FHIT: variants seen among roughly 807,000 people sequenced by gnomAD.
FHIT encodes bis(5'-adenosyl)-triphosphatase.
In FHIT, 19 loss-of-function variants were observed where a neutral mutation model predicts 17.9. That is an observed-to-expected ratio of 1.06 (90% CI 0.74 to 1.56). FHIT has a LOEUF of 1.56. FHIT is among the 40% of genes most tolerant of loss of function. FHIT has a pLI of 0.00. For missense variants in FHIT, 248 were observed against 189.2 expected (o/e 1.31, Z -1.82); for synonymous variants, 81 against 69.7 (o/e 1.16, Z -0.81).
intron 5 of FHIT, among the ~76,000 whole-genome samples, chr3:60,343,445 G>A (rs533714469): frequency 4.6e-5 from 7 of 152,234 alleles, no homozygotes; most frequent in South Asian, 2.1e-4. Flanking sequence ...TATTCACTCC[G>A]TTGTTTGATT....
At chr3:60,363,254 C>T (rs1349878367) in intron 5 of FHIT, among the ~76,000 whole-genome samples, 1 of 152,186 alleles carries the variant, frequency 6.6e-6, no homozygotes, top group Non-Finnish European at 1.5e-5. Flanking sequence ...CACTGAATCA[C>T]TCCCCAGCTC....
Position 60,615,925 on chromosome 3 carries a change from A to C in FHIT, c.-17-78946T>G, listed in dbSNP as rs897754039. Among the ~76,000 whole-genome samples, 6 of 152,332 alleles carry C rather than the reference A, an allele frequency of 3.9e-5. No individual in the cohort carries two copies. The East Asian group carries it at 7.7e-4, about 20-fold the overall frequency. On this transcript the variant is annotated intron_variant, in intron 4 of 9. Transcript: ENST00000492590. ...GTGAGATGTGGAAGAAAAAGAGATA[A>C]AGAAACTGTTCTTTGGAAGTCAGAC...
chr3:60,900,545 A>C (rs1553762939), intron 3 of FHIT, among the ~76,000 whole-genome samples: 2 of 152,170 alleles, frequency 1.3e-5, no homozygotes, highest in South Asian at 4.1e-4. Context: ...ACAATTTTAA[A>C]TAAATATTAA....
intron 5 of FHIT, among the ~76,000 whole-genome samples, chr3:60,361,816 G>C (rs145789690): frequency 4.3e-4 from 65 of 152,252 alleles, no homozygotes; most frequent in African/African-American, 1.4e-3. Context: ...CAATAGTAAA[G>C]GAGGATAAAT....
chr3:59,810,379 T>G (rs1454052443), intron 8 of FHIT, among the ~76,000 whole-genome samples: 1 of 152,178 alleles, frequency 6.6e-6, no homozygotes, highest in East Asian at 1.9e-4. Context: ...GAGCACCTCA[T>G]GAAATGTCTG....
intron 7 of FHIT, among the ~76,000 whole-genome samples, chr3:59,989,280 C>G (rs1313039349): frequency 6.6e-6 from 1 of 152,000 alleles, no homozygotes. Flanking sequence ...ATGGAGACAG[C>G]CTTTTCACTA....
intron 4 of FHIT, among the ~76,000 whole-genome samples, chr3:60,672,875 G>A (rs1627302): frequency 0.059 from 56 of 948 alleles, no homozygotes; most frequent in East Asian, 0.22. Flanking sequence ...TCTTTGTAGC[G>A]TGTGTGTGTG....
At chr3:60,314,259 A>G (rs1425715633) in intron 5 of FHIT, among the ~76,000 whole-genome samples, 2 of 152,208 alleles carry the variant, frequency 1.3e-5, no homozygotes. Flanking sequence ...TTTCTTTTAA[A>G]AAAAATCATG....
At chr3:60,215,788 C>T (rs1238573780) in intron 5 of FHIT, among the ~76,000 whole-genome samples, 1 of 152,106 alleles carries the variant, frequency 6.6e-6, no homozygotes, top group Non-Finnish European at 1.5e-5. Flanking sequence ...TCTTCCCTTC[C>T]GTACACAAAA....
chr3:59,747,581 A>C lies in FHIT; in HGVS notation c.*2004T>G, dbSNP rs901092341. On this transcript the variant is annotated 3_prime_UTR_variant, in exon 10 of 10. Transcript: ENST00000492590. ...TGTCCACCCCAAACATTAAGTCAAG[A>C]ACATCTTTTTGGTCTTATAGTCTTT... is the stretch of plus-strand genomic sequence containing the variant. 6.6e-6 allele frequency among the ~76,000 whole-genome samples: 1 copy of C among 152,084 alleles called. No individual in the cohort carries two copies. Among genetic ancestry groups the C allele is most frequent in the Non-Finnish European group, 1.5e-5 (1 of 68,016 alleles).
chr3:60,159,358 G>T (rs888873196), intron 5 of FHIT, among the ~76,000 whole-genome samples: 3 of 152,046 alleles, frequency 2.0e-5, no homozygotes, highest in Admixed American at 6.6e-5. Context: ...TAGGCTCAAA[G>T]GATCCACCCA....
At chr3:61,191,850 C>A (rs939770439) in intron 2 of FHIT, among the ~76,000 whole-genome samples, 3 of 151,956 alleles carry the variant, frequency 2.0e-5, no homozygotes, top group African/African-American at 7.3e-5. Context: ...TTTCTATGTG[C>A]ACCATAACAA....
chr3:59,857,705 G>GTTTTTTTTTTTT lies in FHIT; in HGVS notation c.348+64629_348+64640dup, dbSNP rs78150569. ...ATGACTATGCTGTGCAAAGTGCTGG[G>GTTTTTTTTTTTT]TTTTTTTTTTTTTTTTTGTATCCTA... On this transcript the variant is annotated intron_variant, in intron 8 of 9. Transcript: ENST00000492590. 6.4e-4 allele frequency among the ~76,000 whole-genome samples: 74 copies of GTTTTTTTTTTTT among 115,388 alleles called. 2 individuals carry two copies. Among genetic ancestry groups the GTTTTTTTTTTTT allele is most frequent in the African/African-American group, 1.9e-3 (52 of 27,676 alleles). The allele number at this position is 115,388 out of a possible 152,430, so 75.7% of individuals were successfully genotyped here. A position where few individuals can be genotyped will look rare whatever the true frequency, so the allele number is the denominator to read the frequency against.
At position 60,589,924 on chromosome 3, in the gene FHIT, G is replaced by A. The variant is rs182215400; in HGVS notation, c.-17-52945C>T. 9.2e-5 allele frequency among the ~76,000 whole-genome samples: 14 copies of A among 152,118 alleles called. No individual in the cohort carries two copies. In the East Asian group the frequency reaches 2.1e-3, roughly 23 times the overall value. ...ATCTTCTTATGCATTAGGTAAGTAT[G>A]AATCTGTGGCCTTGACCCTCTTCAA... On this transcript the variant is annotated intron_variant, in intron 4 of 9. Coordinates refer to ENST00000492590, the MANE Select transcript of FHIT (RefSeq NM_002012.4).
intron 2 of FHIT, among the ~76,000 whole-genome samples, chr3:61,141,266 T>C (rs149291928): frequency 4.5e-4 from 68 of 152,302 alleles, no homozygotes; most frequent in African/African-American, 1.6e-3. Flanking sequence ...CAGGGAAATT[T>C]ATAAGGCTGT....
chr3:61,070,467 C>T (rs2034766162), intron 2 of FHIT, among the ~76,000 whole-genome samples: 2 of 152,048 alleles, frequency 1.3e-5, no homozygotes, highest in Admixed American at 1.3e-4. Flanking sequence ...CTCAAAAGAC[C>T]CCCGTGGAAA....
intron 4 of FHIT, among the ~76,000 whole-genome samples, chr3:60,653,360 T>G (rs914567978): frequency 6.6e-6 from 1 of 151,960 alleles, no homozygotes; most frequent in Non-Finnish European, 1.5e-5. Flanking sequence ...AAGTAAAAAA[T>G]TCAATAGAAA....
intron 3 of FHIT, among the ~76,000 whole-genome samples, chr3:60,833,911 G>GT (rs199907071): frequency 6.6e-5 from 10 of 152,074 alleles, no homozygotes; most frequent in South Asian, 2.1e-4. Context: ...TTGGTTTTGT[G>GT]TTTTTTTCCC....
chr3:60,101,346 T>C (rs1704183149), intron 5 of FHIT, among the ~76,000 whole-genome samples: 1 of 152,240 alleles, frequency 6.6e-6, no homozygotes, highest in Non-Finnish European at 1.5e-5. Flanking sequence ...CTGGGCTCAC[T>C]GGCTTCCTCT....
Sources: allele counts gnomAD v4.1 joint callset (sites outside exome capture counted in the v4.1 genomes callset), GRCh38; gene constraint gnomAD v4.1.1; transcripts MANE v1.5; gene names NCBI Gene and HGNC (gene_info 2026-07-23, HGNC 2026-07-21).